RAPGEF4: variants seen among roughly 807,000 people sequenced by gnomAD.
RAPGEF4 encodes the protein Rap guanine nucleotide exchange factor 4.
RAPGEF4 carries 66 observed loss-of-function variants against 147.9 expected under a neutral mutation model. The ratio of observed to expected loss-of-function variants is 0.45; its 90% CI spans 0.37 to 0.55. RAPGEF4 has a LOEUF of 0.55. Ranked by LOEUF, RAPGEF4 falls within the 20% of genes least tolerant of loss-of-function variation. The pLI is 0.00. For missense variants in RAPGEF4, 1,071 were observed against 1,257.3 expected (o/e 0.85, Z 2.24); for synonymous variants, 419 against 442.7 (o/e 0.95, Z 0.67).
chr2:172,795,765 C>T (rs1559045280), intron 2 of RAPGEF4, among the ~76,000 whole-genome samples: 1 of 152,074 alleles, frequency 6.6e-6, no homozygotes, highest in South Asian at 2.1e-4. Context: ...CAGAAGAAGT[C>T]CTGAGGTAGA....
In RAPGEF4 at chr2:172,851,203, A is replaced by C. The variant is rs145900353; in HGVS notation, c.444+36778A>C. Among the ~76,000 whole-genome samples the C allele has an allele frequency of 4.0e-3, 606 of 152,354 alleles. 4 individuals carry two copies. The highest frequency in any genetic ancestry group is 0.014 in the African/African-American group (562 of 41,582). On this transcript the variant is annotated intron_variant, in intron 4 of 30. Transcript: ENST00000397081. ...TCTGCTTTAATTTCATTGTTTACTC[A>C]AAACTCATTCAGAAGCGGGTTAATT...
chr2:173,007,744 T>C (rs1320418520), intron 17 of RAPGEF4, among the ~76,000 whole-genome samples: 2 of 152,178 alleles, frequency 1.3e-5, no homozygotes, highest in Non-Finnish European at 2.9e-5. Flanking sequence ...AGAACTTGCA[T>C]TTTATGAACA....
intron 21 of RAPGEF4, 85 bp from the exon 22 acceptor site, chr2:173,018,571 G>T: frequency 7.0e-7 from 1 of 1,423,302 alleles, no homozygotes; most frequent in South Asian, 1.4e-5. Context: ...GCAAATTGGA[G>T]AGGATGCCTA....
At chr2:172,822,845 G>A (rs1025765950) in intron 4 of RAPGEF4, among the ~76,000 whole-genome samples, 3 of 152,182 alleles carry the variant, frequency 2.0e-5, no homozygotes, top group African/African-American at 7.2e-5. Flanking sequence ...AAGCTACTGA[G>A]CAGCCTGCCC....
intron 17 of RAPGEF4, among the ~76,000 whole-genome samples, chr2:173,008,070 C>CG (rs1019309215): frequency 6.7e-5 from 1 of 14,992 alleles, no homozygotes; most frequent in South Asian, 1.6e-3. Flanking sequence ...TCGGGTGTGG[C>CG]CCCCCCATGC....
At chr2:173,008,575 A>G (rs2105851229) in intron 17 of RAPGEF4, among the ~76,000 whole-genome samples, 1 of 152,310 alleles carries the variant, frequency 6.6e-6, no homozygotes, top group South Asian at 2.1e-4. Context: ...ATTGAAGAGT[A>G]TCAGTTTGAA....
At position 172,856,083 on chromosome 2, in the gene RAPGEF4, T is replaced by C. The variant is rs999250808; in HGVS notation, c.444+41658T>C. On this transcript the variant is annotated intron_variant, in intron 4 of 30. Coordinates refer to ENST00000397081, the MANE Select transcript of RAPGEF4 (RefSeq NM_007023.4). ...CTGTCTATTCTCTGTCTTCTTGTCC[T>C]TCTGGAATTCCAGTTATACATATGC... is the stretch of plus-strand genomic sequence containing the variant. Among the ~76,000 whole-genome samples the C allele has an allele frequency of 4.6e-5, 7 of 152,318 alleles. No individual in the cohort carries two copies. In the East Asian group the frequency reaches 1.3e-3, roughly 29 times the overall value.
intron 17 of RAPGEF4, among the ~76,000 whole-genome samples, chr2:173,005,710 A>T (rs1694409539): frequency 6.6e-6 from 1 of 151,794 alleles, no homozygotes; most frequent in Admixed American, 6.6e-5. Context: ...TTTAGTAGAG[A>T]TGGAGTTTCA....
intron 4 of RAPGEF4, among the ~76,000 whole-genome samples, chr2:172,846,825 T>A (rs1374018124): frequency 6.6e-6 from 1 of 151,940 alleles, no homozygotes; most frequent in Non-Finnish European, 1.5e-5. Context: ...CACAGGCAGG[T>A]TTTTCAGTCT....
intron 6 of RAPGEF4, among the ~76,000 whole-genome samples, chr2:172,931,388 G>A (rs993626753): frequency 6.6e-6 from 1 of 152,200 alleles, no homozygotes; most frequent in Non-Finnish European, 1.5e-5. Flanking sequence ...TGTAAGTGGA[G>A]ATTGGGCCTG....
At chr2:173,044,259 C>T (rs1685143262) in intron 29 of RAPGEF4, among the ~76,000 whole-genome samples, 1 of 124,208 alleles carries the variant, frequency 8.1e-6, no homozygotes, top group South Asian at 2.5e-4. Context: ...TGTAAACTGT[C>T]ATGGCGCCGG....
At chr2:172,870,273 A>G (rs927626658) in intron 4 of RAPGEF4, among the ~76,000 whole-genome samples, 1 of 152,194 alleles carries the variant, frequency 6.6e-6, no homozygotes, top group Non-Finnish European at 1.5e-5. Context: ...GTATATATGC[A>G]TATGATCAGC....
chr2:173,032,573 C>G (rs1192967540), intron 26 of RAPGEF4, among the ~76,000 whole-genome samples: 1 of 152,158 alleles, frequency 6.6e-6, no homozygotes, highest in Non-Finnish European at 1.5e-5. Context: ...ACTTGGTGAT[C>G]TGGATACTCT....
intron 4 of RAPGEF4, among the ~76,000 whole-genome samples, chr2:172,854,607 T>C (rs1420160118): frequency 6.6e-6 from 1 of 152,156 alleles, no homozygotes; most frequent in Non-Finnish European, 1.5e-5. Context: ...GGTTTACCAT[T>C]TTGCTATTTT....
At chr2:172,911,915 C>T (rs530925703) in intron 4 of RAPGEF4, among the ~76,000 whole-genome samples, 6 of 151,852 alleles carry the variant, frequency 4.0e-5, no homozygotes, top group South Asian at 2.1e-4. Flanking sequence ...TACAGGTACA[C>T]GCCACCAGGC....
At chr2:172,827,366 C>T (rs1287313774) in intron 4 of RAPGEF4, among the ~76,000 whole-genome samples, 1 of 152,074 alleles carries the variant, frequency 6.6e-6, no homozygotes, top group Non-Finnish European at 1.5e-5. Flanking sequence ...TTCTCCAGAC[C>T]TCACCTAGGT....
Position 172,795,173 on chromosome 2 carries a change from A to G in RAPGEF4, c.208+6A>G, listed in dbSNP as rs762109572. On this transcript the variant is annotated splice_donor_region_variant and intron_variant, in intron 2 of 30. Coordinates refer to ENST00000397081, the MANE Select transcript of RAPGEF4 (RefSeq NM_007023.4). ...TCTGGAAAAGGGAATAACATGTAAG[A>G]AATGCAACTCTTGTAGTATATTTCC... 6 of 1,600,260 alleles carry G rather than the reference A, an allele frequency of 3.7e-6. No homozygotes were observed. In the South Asian group the frequency reaches 4.4e-5, roughly 12 times the overall value.
At chr2:173,028,383 C>G (rs750791121) in intron 25 of RAPGEF4, among the ~76,000 whole-genome samples, 4 of 152,114 alleles carry the variant, frequency 2.6e-5, no homozygotes, top group Admixed American at 2.0e-4. Flanking sequence ...TGTGCTTTCC[C>G]GTTAGAAGAA....
At chr2:172,957,291 A>C (rs547177666) in intron 6 of RAPGEF4, among the ~76,000 whole-genome samples, 2 of 152,378 alleles carry the variant, frequency 1.3e-5, no homozygotes, top group East Asian at 3.8e-4. Context: ...GAATTCTTAA[A>C]ATGACATTCT....
Sources: allele counts gnomAD v4.1 joint callset (sites outside exome capture counted in the v4.1 genomes callset), GRCh38; gene constraint gnomAD v4.1.1; transcripts MANE v1.5; gene names NCBI Gene and HGNC (gene_info 2026-07-23, HGNC 2026-07-21).